Variants in AMBP observed in about 807,000 individuals in gnomAD.
AMBP encodes protein AMBP.
Under a neutral mutation model 46.3 loss-of-function variants are expected in AMBP, and 37 were observed. The observed-to-expected ratio is 0.80, with a 90% CI of 0.61 to 1.05. AMBP has a LOEUF of 1.05. AMBP is among the 50% of genes least tolerant of loss of function. The pLI is 0.00. For missense variants in AMBP, 475 were observed against 461.2 expected, an observed-to-expected ratio of 1.03 and a Z score of -0.27; for synonymous variants, 174 against 175.9, an observed-to-expected ratio of 0.99 and a Z score of 0.09.
chr9:114,069,889 C>A, intron 5 of AMBP, 144 bp from the exon 6 acceptor site: 1 of 794,582 alleles, frequency 1.3e-6, no homozygotes. Flanking sequence ...GCCTGTGTGG[C>A]TTGCTCAAGG....
intron 1 of AMBP, 49 bp downstream of exon 1, chr9:114,078,044 G>A (rs1369208642): frequency 3.8e-6 from 6 of 1,589,254 alleles, no homozygotes; most frequent in Non-Finnish European, 4.3e-6. Context: ...CCATCTGCCT[G>A]GACTCCCCAT....
chr9:114,060,930 C>T lies in AMBP; in HGVS notation c.1022G>A (p.Gly341Asp), dbSNP rs150141433. 2.5e-6 allele frequency: 4 copies of T among 1,613,380 alleles called. No individual in the cohort carries two copies. The highest frequency in any genetic ancestry group is 4.5e-5 in the East Asian group (2 of 44,874). Residue 341 changes from glycine to aspartate, a missense_variant, in exon 9 of 10, where the codon GGT (glycine) becomes GAT (aspartate). By Grantham distance (94) the Gly-to-Asp change is moderately conservative (BLOSUM62 -1). Transcript: ENST00000265132. ...KECREYCGVP[G>D]DGDEELLRFS... Reference sequence around the variant, plus strand: ...CACCCTGCAGGGCTGCCTACCATCACCAGGGACACCGCAGTACTCTCTGCA... The same window carrying T: ...CACCCTGCAGGGCTGCCTACCATCATCAGGGACACCGCAGTACTCTCTGCA...
At position 114,069,730 on chromosome 9, in the gene AMBP, C is replaced by G. The variant is rs1165784274; in HGVS notation, c.572G>C (p.Gly191Ala). 1 of 1,614,104 alleles carries G rather than the reference C, an allele frequency of 6.2e-7. No homozygotes were observed. Among genetic ancestry groups the G allele is most frequent in the Admixed American group, 1.7e-5 (1 of 60,024 alleles). The change falls in exon 6 of 10, where the codon GGG becomes GCG. Residue 191 changes from glycine to alanine, a missense_variant. Gly to Ala is a moderately conservative substitution (Grantham distance 60, BLOSUM62 0). This residue lies in a region of AMBP where 293 missense variants were observed against 276.9 expected (regional missense o/e 1.06). Coordinates refer to ENST00000265132, the MANE Select transcript of AMBP (RefSeq NM_001633.4). ...TMADRGECVP[G>A]EQEPEPILIP... ...TAAGATGGGCTCTGGTTCCTGCTCC[C>G]CAGGGACACATTCACCTAGGTCACA...
intron 6 of AMBP, among the ~76,000 whole-genome samples, chr9:114,065,591 A>G (rs777786253): frequency 4.6e-5 from 7 of 152,264 alleles, no homozygotes; most frequent in Non-Finnish European, 8.8e-5. Flanking sequence ...ACACACAGAC[A>G]GTATTCAGAC....
Position 114,075,820 on chromosome 9 carries a change from G to A in AMBP, c.260+778C>T, listed in dbSNP as rs537554876. Among the ~76,000 whole-genome samples the A allele has an allele frequency of 1.1e-4, 16 of 152,268 alleles. No homozygotes were observed. In the South Asian group the frequency reaches 3.3e-3, roughly 32 times the overall value. The stretch of plus-strand genomic sequence containing the variant: ...CTGGAGGAGGTGACATGAAACCTGA[G>A]TTCTGAAGAATCCACAGGAACTAAT... On this transcript the variant is annotated intron_variant, in intron 2 of 9. Transcript: ENST00000265132.
At chr9:114,067,723 G>C (rs1385674454) in intron 6 of AMBP, among the ~76,000 whole-genome samples, 1 of 152,140 alleles carries the variant, frequency 6.6e-6, no homozygotes. Context: ...ATCGGCGCTT[G>C]AGAACAATGG....
At chr9:114,061,712 G>A (rs886209569) in intron 7 of AMBP, 121 bp from the exon 8 acceptor site, 10 of 1,162,780 alleles carry the variant, frequency 8.6e-6, no homozygotes, top group African/African-American at 3.1e-5. Context: ...ATTCTTTTTA[G>A]ATAAGCAAAC....
At chr9:114,067,659 T>C (rs1185887780) in intron 6 of AMBP, among the ~76,000 whole-genome samples, 1 of 152,170 alleles carries the variant, frequency 6.6e-6, no homozygotes, top group Non-Finnish European at 1.5e-5. Context: ...AAGAAATAAA[T>C]TGCCTACAAA....
chr9:114,061,657 C>G (rs1846640627), intron 7 of AMBP, 66 bp from the exon 8 acceptor site: 1 of 1,471,888 alleles, frequency 6.8e-7, no homozygotes, highest in East Asian at 2.3e-5. Flanking sequence ...AGGCTGGGCA[C>G]TTGATATGCG....
intron 2 of AMBP, 41 bp from the exon 3 acceptor site, chr9:114,075,077 A>G: frequency 6.4e-7 from 1 of 1,565,932 alleles, no homozygotes; most frequent in Non-Finnish European, 8.8e-7. Flanking sequence ...CTCCTGGTAG[A>G]GATCATGGTC....
chr9:114,076,478 G>T, intron 2 of AMBP, 120 bp downstream of exon 2: 1 of 1,415,280 alleles, frequency 7.1e-7, no homozygotes. Flanking sequence ...AGGGATCTGG[G>T]GTTCAGCGGG....
chr9:114,076,985 T>A (rs548395744), intron 1 of AMBP, among the ~76,000 whole-genome samples: 20 of 151,972 alleles, frequency 1.3e-4, no homozygotes, highest in African/African-American at 4.8e-4. Context: ...GCGGCTGGGG[T>A]CCCAACCTGC....
chr9:114,062,911 A>G (rs1313220308), intron 6 of AMBP, among the ~76,000 whole-genome samples, 153 bp from the exon 7 acceptor site: 1 of 152,196 alleles, frequency 6.6e-6, no homozygotes, highest in Non-Finnish European at 1.5e-5. Flanking sequence ...TGTTTTCCCA[A>G]AAGTGTCAAC....
At chr9:114,066,312 G>A (rs1036007938) in intron 6 of AMBP, among the ~76,000 whole-genome samples, 1 of 151,880 alleles carries the variant, frequency 6.6e-6, no homozygotes, top group Admixed American at 6.6e-5. Flanking sequence ...TCAAGAAACA[G>A]AAGGAAATTC....
At chr9:114,076,897 A>G (rs1248648816) in intron 1 of AMBP, among the ~76,000 whole-genome samples, 157 bp from the exon 2 acceptor site, 1 of 152,100 alleles carries the variant, frequency 6.6e-6, no homozygotes, top group Non-Finnish European at 1.5e-5. Context: ...AACTAATCAG[A>G]GGCCACACAC....
intron 2 of AMBP, 134 bp downstream of exon 2, chr9:114,076,464 G>A (rs1249271286): frequency 6.1e-6 from 8 of 1,305,654 alleles, no homozygotes; most frequent in South Asian, 5.8e-5. Context: ...GTGGAGGAGC[G>A]TAGAGGGATC....
chr9:114,062,888 G>A, intron 6 of AMBP, 130 bp from the exon 7 acceptor site: 1 of 819,352 alleles, frequency 1.2e-6, no homozygotes, highest in South Asian at 1.6e-5. Context: ...CTCTTAGACT[G>A]GTTAAAGGAG....
intron 5 of AMBP, among the ~76,000 whole-genome samples, chr9:114,070,108 C>A (rs1340440565): frequency 6.6e-6 from 1 of 152,192 alleles, no homozygotes; most frequent in Non-Finnish European, 1.5e-5. Context: ...TGTTATTATG[C>A]CCAATTTACA....
rs574003278 is a variant in AMBP at position 114,078,214 on chromosome 9, A to G, written c.-5T>C. 1.9e-6 allele frequency: 3 copies of G among 1,611,370 alleles called. No homozygotes were observed. The highest frequency in any genetic ancestry group is 2.2e-5 in the East Asian group (1 of 44,868). ...CAGGGCCCCGAGGCTCCTCATGGCT[A>G]TGGGCTCCTCTGCCTTGGTATATCC... On this transcript the variant is annotated 5_prime_UTR_variant, in exon 1 of 10. Transcript: ENST00000265132.
Sources: allele counts gnomAD v4.1 joint callset (sites outside exome capture counted in the v4.1 genomes callset), GRCh38; gene constraint gnomAD v4.1.1; regional missense constraint gnomAD v4.1.1; transcripts MANE v1.5; gene names NCBI Gene and HGNC (gene_info 2026-07-23, HGNC 2026-07-21).